The following CXCR5 variants were observed in gnomAD, a reference collection of about 807,000 sequenced individuals.
CXCR5 encodes the protein C-X-C chemokine receptor type 5.
A neutral mutation model predicts 5.6 loss-of-function variants in CXCR5; 3 were observed. That is an observed-to-expected ratio of 0.54 (90% CI 0.24 to 1.39). CXCR5 has a LOEUF of 1.39. Ranked by LOEUF, CXCR5 falls within the 40% of genes most tolerant of loss-of-function variation. The pLI is 0.16. For synonymous variants in CXCR5, 218 were observed against 219.9 expected (o/e 0.99, Z 0.08); for missense variants, 333 against 494.6 (o/e 0.67, Z 3.10).
At position 118,893,431 on chromosome 11, in the gene CXCR5, T is replaced by C; in HGVS notation, c.52-165T>C. On this transcript the variant is annotated intron_variant, in intron 1 of 1. Transcript: ENST00000292174. This position sits in a 1 kb window ranked among gnomAD's most constrained non-coding sequence, Gnocchi z 5.7. The stretch of plus-strand genomic sequence containing the variant: ...GCGGTCCCTTTGACAGGCGAAAAAC[T>C]GAAGTTGGAAAAGACAAAGTGATTT... 2.0e-6 allele frequency: 2 copies of C among 985,374 alleles called. No individual in the cohort carries two copies. Among genetic ancestry groups the C allele is most frequent in the South Asian group, 4.7e-5 (1 of 21,288 alleles). The allele number at this position is 985,374 out of a possible 1,614,324, so 61.0% of individuals were successfully genotyped here. A position where few individuals can be genotyped will look rare whatever the true frequency, so the allele number is the denominator to read the frequency against.
At chr11:118,886,095 G>T (rs900083488) in intron 1 of CXCR5, 1 of 324,716 alleles carries the variant, frequency 3.1e-6, no homozygotes, top group Non-Finnish European at 6.0e-6. Context: ...AAAACCTCGG[G>T]CGTAGTGGTA....
At chr11:118,886,866 A>C (rs1939721937) in intron 1 of CXCR5, 1 of 159,630 alleles carries the variant, frequency 6.3e-6, no homozygotes, top group African/African-American at 2.4e-5. Context: ...CTTCAGTGTG[A>C]CCAGAGCATC....
rs1297061441 is a variant in CXCR5 at position 118,894,252 on chromosome 11, G to T, written c.708G>T (p.Trp236Cys). The change falls in exon 2 of 2, where the codon TGG becomes TGT. Residue 236 changes from tryptophan (W) to cysteine (C), a missense_variant. By Grantham distance (215) the Trp-to-Cys change is radical. Transcript: ENST00000292174. The surrounding 1 kb of genome is among the most constrained non-coding windows in gnomAD (Gnocchi z 6.1). ...TGCTGCCCATGCTGGTGATGGGCTG[G>T]TGCTACGTGGGGGTAGTGCACAGGT... ...GFLLPMLVMG[W>C]CYVGVVHRLR... 17 of 1,614,132 alleles carry T rather than the reference G, an allele frequency of 1.1e-5. No individual in the cohort carries two copies. The South Asian group carries it at 1.9e-4, about 18-fold the overall frequency.
intron 1 of CXCR5, among the ~76,000 whole-genome samples, chr11:118,889,147 C>T (rs1432124327): frequency 6.6e-6 from 1 of 152,230 alleles, no homozygotes; most frequent in Non-Finnish European, 1.5e-5. Flanking sequence ...TGTTACAGCC[C>T]CTGCTCCTCC....
rs773839464 is a variant in CXCR5 at position 118,894,627 on chromosome 11, T to C, written c.1083T>C (p.Ser361=). The change falls in exon 2 of 2, where the codon TCT becomes TCC. Residue 361 remains serine, a synonymous_variant. Transcript: ENST00000292174. This position sits in a 1 kb window ranked among gnomAD's most constrained non-coding sequence, Gnocchi z 6.1. ...LFPSWRRSSL[S]ESENATSLTT... ...CTAGCTGGCGCAGGAGCAGTCTCTC[T>C]GAGTCAGAGAATGCCACCTCTCTCA... 2.6e-6 allele frequency: 4 copies of C among 1,513,508 alleles called. No homozygotes were observed. The highest frequency in any genetic ancestry group is 2.3e-5 in the Admixed American group (1 of 44,212). The allele number at this position is 1,513,508 out of a possible 1,614,324, so 93.8% of individuals were successfully genotyped here.
chr11:118,888,738 T>G (rs1939760056), intron 1 of CXCR5, among the ~76,000 whole-genome samples: 1 of 152,242 alleles, frequency 6.6e-6, no homozygotes, highest in African/African-American at 2.4e-5. Flanking sequence ...TTTTTCCCCA[T>G]GCAATTTCAT....
At position 118,883,931 on chromosome 11, in the gene CXCR5, C is replaced by G. The variant is rs770730192; in HGVS notation, c.-11C>G. The G allele has an allele frequency of 6.2e-7, 1 of 1,609,968 alleles. No homozygotes were observed. The highest frequency in any genetic ancestry group is 1.3e-5 in the African/African-American group (1 of 74,772). On this transcript the variant is annotated 5_prime_UTR_variant, in exon 1 of 2. Transcript: ENST00000292174. ...CAGTGACCAGTCTGGTGACTCACAG[C>G]CGGCACAGCCATGAACTACCCGCTA...
intron 1 of CXCR5, among the ~76,000 whole-genome samples, chr11:118,884,808 G>C (rs1399045602): frequency 6.6e-6 from 1 of 152,148 alleles, no homozygotes; most frequent in African/African-American, 2.4e-5. Flanking sequence ...GTTGTCACTG[G>C]GCTCCCAGAA....
intron 1 of CXCR5, chr11:118,887,293 G>A: frequency 1.0e-6 from 1 of 985,438 alleles, no homozygotes; most frequent in African/African-American, 1.7e-5. Context: ...TCTTTCAAGA[G>A]TGGTGGGGAA....
rs540381272 is a variant in CXCR5 at position 118,892,359 on chromosome 11, G to A, written c.52-1237G>A. Among the ~76,000 whole-genome samples the A allele has an allele frequency of 4.1e-3, 621 of 152,238 alleles. 4 individuals are homozygous for A. The highest frequency in any genetic ancestry group is 5.5e-3 in the Non-Finnish European group (372 of 67,998). On this transcript the variant is annotated intron_variant, in intron 1 of 1. Transcript: ENST00000292174. ...CCCAGTGTGACCATCCCCTCCTTGT[G>A]GGGGTGCCTTGCTCTCCTGAAATGG...
chr11:118,890,320 G>A (rs560038471), intron 1 of CXCR5, among the ~76,000 whole-genome samples: 10 of 152,080 alleles, frequency 6.6e-5, no homozygotes, highest in Non-Finnish European at 4.4e-5. Flanking sequence ...CGTAAAACAC[G>A]TGGCCTTGGG....
In CXCR5 at chr11:118,895,641, G is replaced by C. The variant is rs924510900; in HGVS notation, c.*978G>C. 6.3e-6 allele frequency: 1 copy of C among 158,098 alleles called. No individual in the cohort carries two copies. The highest frequency in any genetic ancestry group is 2.4e-5 in the African/African-American group (1 of 41,268). The allele number at this position is 158,098 out of a possible 1,614,324, so 9.8% of individuals were successfully genotyped here. On this transcript the variant is annotated 3_prime_UTR_variant, in exon 2 of 2. Coordinates refer to ENST00000292174, the MANE Select transcript of CXCR5 (RefSeq NM_001716.5). The surrounding 1 kb of genome is among the most constrained non-coding windows in gnomAD (Gnocchi z 4.2). Reference sequence around the variant, plus strand: ...CCTTCCCATAAGCTATAGACCCGAGGAAACTCAGAGTCGGAACGGAGAAAG... The same window carrying C: ...CCTTCCCATAAGCTATAGACCCGAGCAAACTCAGAGTCGGAACGGAGAAAG...
Position 118,894,615 on chromosome 11 carries a change from G to A in CXCR5, c.1071G>A (p.Arg357=). 3.9e-6 allele frequency: 6 copies of A among 1,519,572 alleles called. No individual in the cohort carries two copies. Among genetic ancestry groups the A allele is most frequent in the Non-Finnish European group, 5.3e-6 (6 of 1,134,170 alleles). The allele number at this position is 1,519,572 out of a possible 1,614,324, so 94.1% of individuals were successfully genotyped here. Residue 357 remains arginine, a synonymous_variant, in exon 2 of 2, where the codon AGG becomes AGA. Transcript: ENST00000292174. The surrounding 1 kb of genome is among the most constrained non-coding windows in gnomAD (Gnocchi z 6.1). ...SLCQLFPSWR[R]SSLSESENAT... Reference sequence around the variant, plus strand: ...GCCAGCTCTTCCCTAGCTGGCGCAGGAGCAGTCTCTCTGAGTCAGAGAATG... The same window carrying A: ...GCCAGCTCTTCCCTAGCTGGCGCAGAAGCAGTCTCTCTGAGTCAGAGAATG...
At chr11:118,890,085 C>T (rs537421972) in intron 1 of CXCR5, among the ~76,000 whole-genome samples, 1 of 152,258 alleles carries the variant, frequency 6.6e-6, no homozygotes, top group South Asian at 2.1e-4. Flanking sequence ...CAGTATTAGT[C>T]AAGTGGGTGT....
Position 118,897,699 on chromosome 11 carries a change from G to A in CXCR5, c.*3036G>A, listed in dbSNP as rs1407843382. The A allele has an allele frequency of 4.6e-6, 2 of 436,562 alleles. No homozygotes were observed. The highest frequency in any genetic ancestry group is 2.1e-5 in the African/African-American group (1 of 48,442). 27.0% of individuals were successfully genotyped at this position (436,562 alleles called of 1,614,324 possible). A position where few individuals can be genotyped will look rare whatever the true frequency, so the allele number is the denominator to read the frequency against. On this transcript the variant is annotated 3_prime_UTR_variant, in exon 2 of 2. Transcript: ENST00000292174. ...GGCCATGTAGGGCTGCATGTCCCTGGGTCCAGGGGAATGGAGGGAGCAATA... is the reference window on the plus strand; with the variant it reads ...GGCCATGTAGGGCTGCATGTCCCTGAGTCCAGGGGAATGGAGGGAGCAATA...
chr11:118,886,365 G>C (rs573095219), intron 1 of CXCR5: 20 of 422,620 alleles, frequency 4.7e-5, no homozygotes, highest in South Asian at 3.4e-4. Flanking sequence ...AAAAAAAAAG[G>C]AACTGGGGGC....
chr11:118,884,812 C>T (rs754947225), intron 1 of CXCR5, among the ~76,000 whole-genome samples: 4 of 152,114 alleles, frequency 2.6e-5, no homozygotes, highest in Admixed American at 1.3e-4. Flanking sequence ...TCACTGGGCT[C>T]CCAGAAGATG....
In CXCR5 at chr11:118,894,656, C is replaced by T. The variant is rs889044414; in HGVS notation, c.1112C>T (p.Thr371Met). 5 of 1,509,410 alleles carry T rather than the reference C, an allele frequency of 3.3e-6. No individual in the cohort carries two copies. The highest frequency in any genetic ancestry group is 4.4e-6 in the Non-Finnish European group (5 of 1,129,170). The allele number at this position is 1,509,410 out of a possible 1,614,324, so 93.5% of individuals were successfully genotyped here. A position where few individuals can be genotyped will look rare whatever the true frequency, so the allele number is the denominator to read the frequency against. The part of the protein sequence containing the change: ...SESENATSLT[T>M]F Reference sequence around the variant, plus strand: ...TCAGAGAATGCCACCTCTCTCACCACGTTCTAGGTCCCAGTGTCCCCTTTT... The same window carrying T: ...TCAGAGAATGCCACCTCTCTCACCATGTTCTAGGTCCCAGTGTCCCCTTTT... The change falls in exon 2 of 2, where the codon ACG becomes ATG. Residue 371 changes from threonine (T) to methionine (M), a missense_variant. Physicochemically the swap from Thr to Met is moderately conservative, Grantham distance 81 (BLOSUM62 -1). Transcript: ENST00000292174. This position sits in a 1 kb window ranked among gnomAD's most constrained non-coding sequence, Gnocchi z 6.1.
Position 118,894,376 on chromosome 11 carries a change from G to A in CXCR5, c.832G>A (p.Val278Ile), listed in dbSNP as rs145276178. 51 of 1,614,150 alleles carry A rather than the reference G, an allele frequency of 3.2e-5. No individual in the cohort carries two copies. The highest frequency in any genetic ancestry group is 2.9e-4 in the African/African-American group (22 of 75,030). ...CCTCTGCTGGTCACCCTACCACATC[G>A]TCATCTTCCTGGACACCCTGGCGAG... ...FFLCWSPYHI[V>I]IFLDTLARLK... Residue 278 changes from valine (V) to isoleucine (I), a missense_variant, in exon 2 of 2, where the codon GTC becomes ATC. By Grantham distance (29) the Val-to-Ile change is conservative. Transcript: ENST00000292174. The surrounding 1 kb of genome is among the most constrained non-coding windows in gnomAD (Gnocchi z 6.1).
Sources: allele counts gnomAD v4.1 joint callset (sites outside exome capture counted in the v4.1 genomes callset), GRCh38; gene constraint gnomAD v4.1.1; non-coding constraint Gnocchi (gnomAD v3.1); transcripts MANE v1.5; gene names NCBI Gene and HGNC (gene_info 2026-07-23, HGNC 2026-07-21).